LRP1B: variants seen among roughly 807,000 people sequenced by gnomAD.
LRP1B encodes low-density lipoprotein receptor-related protein 1B.
In LRP1B, 217 loss-of-function variants were observed where a neutral mutation model predicts 556.6. The ratio of observed to expected loss-of-function variants is 0.39; its 90% CI spans 0.35 to 0.44. LRP1B has a LOEUF of 0.44. Among genes scored for constraint, LRP1B ranks in the 20% least tolerant of loss-of-function variants. The pLI is 1.00. For synonymous variants in LRP1B, 2,047 were observed against 1,865.8 expected (o/e 1.10, Z -2.50); for missense variants, 5,053 against 5,620.8 (o/e 0.90, Z 3.23).
At chr2:140,805,871 A>G (rs929761944) in intron 32 of LRP1B, among the ~76,000 whole-genome samples, 6 of 152,188 alleles carry the variant, frequency 3.9e-5, no homozygotes, top group Non-Finnish European at 5.9e-5. Flanking sequence ...GTGCATATAT[A>G]TATGGATGCA....
At chr2:141,971,333 T>C (rs1187226943) in intron 1 of LRP1B, among the ~76,000 whole-genome samples, 1 of 151,242 alleles carries the variant, frequency 6.6e-6, no homozygotes, top group Non-Finnish European at 1.5e-5. Flanking sequence ...AGAAGAAAAG[T>C]TTCTTATATT....
At chr2:141,524,289 T>G (rs1227931994) in intron 2 of LRP1B, among the ~76,000 whole-genome samples, 1 of 137,986 alleles carries the variant, frequency 7.2e-6, no homozygotes, top group Non-Finnish European at 1.6e-5. Flanking sequence ...TAAAACTCAA[T>G]GCCTAAGAAC....
intron 77 of LRP1B, among the ~76,000 whole-genome samples, chr2:140,350,155 A>G (rs1573829527): frequency 6.6e-6 from 1 of 152,092 alleles, no homozygotes; most frequent in East Asian, 1.9e-4. Flanking sequence ...AATATAAAAC[A>G]CACAATAACT....
chr2:142,090,475 G>A (rs1424478738), intron 1 of LRP1B, among the ~76,000 whole-genome samples: 1 of 152,054 alleles, frequency 6.6e-6, no homozygotes, highest in Non-Finnish European at 1.5e-5. Context: ...TGGGTACAGA[G>A]ATGAAAATAA....
intron 80 of LRP1B, among the ~76,000 whole-genome samples, chr2:140,324,698 A>C (rs1680365086): frequency 6.6e-6 from 1 of 152,030 alleles, no homozygotes; most frequent in Admixed American, 6.6e-5. Context: ...CTAACTTTTG[A>C]AACTGAAATT....
intron 2 of LRP1B, among the ~76,000 whole-genome samples, chr2:141,641,996 C>A (rs202155375): frequency 3.6e-5 from 5 of 140,012 alleles, no homozygotes; most frequent in Non-Finnish European, 6.5e-5. Flanking sequence ...AACAAACAAA[C>A]AAACAAACAA....
intron 9 of LRP1B, 53 bp downstream of exon 9, chr2:141,058,830 T>C: frequency 6.9e-7 from 1 of 1,442,498 alleles, no homozygotes; most frequent in South Asian, 1.4e-5. Context: ...ACAAGGACTA[T>C]ATCCCCATTC....
In LRP1B at chr2:140,356,338, C is replaced by T. The variant is rs763601570; in HGVS notation, c.11530+4G>A. On this transcript the variant is annotated splice_donor_region_variant and intron_variant, in intron 75 of 90. Coordinates refer to ENST00000389484, the MANE Select transcript of LRP1B (RefSeq NM_018557.3). ...GAGCAAACTGTTGAAGAAAAGTACTCTACCTTCACATTGTCTGTTTTTCAT... is the reference window on the plus strand; with the variant it reads ...GAGCAAACTGTTGAAGAAAAGTACTTTACCTTCACATTGTCTGTTTTTCAT... The T allele has an allele frequency of 5.6e-6, 9 of 1,609,874 alleles. No individual in the cohort carries two copies. Among genetic ancestry groups the T allele is most frequent in the Non-Finnish European group, 6.8e-6 (8 of 1,177,344 alleles).
chr2:140,252,087 A>AAAAAAAAAAAAAAAAAAAAAAAAAC (rs1170506845), intron 86 of LRP1B, among the ~76,000 whole-genome samples: 6 of 111,664 alleles, frequency 5.4e-5, no homozygotes, highest in African/African-American at 2.0e-4. Context: ...AAAAAAAAAA[A>AAAAAAAAAAAAAAAAAAAAAAAAAC]AACCCAAAAA....
intron 1 of LRP1B, among the ~76,000 whole-genome samples, chr2:142,091,907 A>T (rs1265005616): frequency 1.3e-5 from 2 of 152,184 alleles, no homozygotes; most frequent in African/African-American, 2.4e-5. Flanking sequence ...ACATAAAAGG[A>T]GAGAGCTACC....
intron 1 of LRP1B, among the ~76,000 whole-genome samples, chr2:141,948,699 G>T (rs1440777934): frequency 6.6e-6 from 1 of 152,046 alleles, no homozygotes; most frequent in Non-Finnish European, 1.5e-5. Context: ...AAGTGAAAAT[G>T]ACTAGTTATA....
intron 43 of LRP1B, among the ~76,000 whole-genome samples, chr2:140,580,730 T>C (rs1320590955): frequency 6.6e-6 from 1 of 152,226 alleles, no homozygotes; most frequent in Non-Finnish European, 1.5e-5. Flanking sequence ...CTAATTCATA[T>C]GAGTTAATGG....
At chr2:141,832,167 A>G (rs773996400) in intron 1 of LRP1B, among the ~76,000 whole-genome samples, 2 of 151,654 alleles carry the variant, frequency 1.3e-5, no homozygotes, top group Non-Finnish European at 3.0e-5. Context: ...ACTATCACTC[A>G]ATTTTTAAAA....
intron 2 of LRP1B, among the ~76,000 whole-genome samples, chr2:141,746,969 T>C (rs140627787): frequency 2.3e-5 from 3 of 129,762 alleles, no homozygotes; most frequent in African/African-American, 8.7e-5. Context: ...GAAAATAATT[T>C]TGATGAGCGT....
chr2:141,625,022 C>A, intron 2 of LRP1B, among the ~76,000 whole-genome samples: 1 of 152,160 alleles, frequency 6.6e-6, no homozygotes, highest in South Asian at 2.1e-4. Context: ...CCCGCCTCAG[C>A]CTCCCAAAGT....
chr2:140,817,354 A>C (rs1691159545), intron 31 of LRP1B, among the ~76,000 whole-genome samples: 2 of 151,978 alleles, frequency 1.3e-5, no homozygotes, highest in South Asian at 4.1e-4. Context: ...AATTAAGAAA[A>C]AAATATATGA....
chr2:140,340,945 T>A (rs114547502), intron 77 of LRP1B, among the ~76,000 whole-genome samples: 2,511 of 151,682 alleles, frequency 0.017, 30 homozygotes, highest in Non-Finnish European at 0.026. Flanking sequence ...CAAAAGGAAT[T>A]GAATTTAATA....
intron 66 of LRP1B, among the ~76,000 whole-genome samples, chr2:140,415,022 G>A (rs1056837562): frequency 3.3e-5 from 5 of 152,188 alleles, no homozygotes; most frequent in Non-Finnish European, 5.9e-5. Context: ...GTCTATAAAC[G>A]GCTGCTCTGG....
chr2:141,257,397 C>T (rs1457890069), intron 3 of LRP1B, among the ~76,000 whole-genome samples: 1 of 152,156 alleles, frequency 6.6e-6, no homozygotes, highest in Non-Finnish European at 1.5e-5. Flanking sequence ...TGGAGCCCAG[C>T]TGCACCTTTT....
Sources: gnomAD v4.1 joint callset for allele counts (sites outside exome capture counted in the v4.1 genomes callset) on GRCh38, gnomAD v4.1.1 for gene constraint, MANE v1.5 for transcripts, NCBI Gene and HGNC (gene_info 2026-07-23, HGNC 2026-07-21) for gene names.